The following DMD variants were observed in gnomAD, a reference collection of about 807,000 sequenced individuals.
The protein encoded by DMD is mutant dystrophin.
A neutral mutation model predicts 330.1 loss-of-function variants in DMD; 63 were observed. The observed-to-expected ratio is 0.19, with a 90% CI of 0.16 to 0.24. The LOEUF is 0.24. DMD is among the 10% of genes least tolerant of loss of function. The pLI is 1.00. For missense variants in DMD, 3,344 were observed against 2,684.1 expected (o/e 1.25, Z -5.43); for synonymous variants, 1,223 against 959.8 (o/e 1.27, Z -5.07).
chrX:32,471,976 C>T (rs2040679987), intron 22 of DMD, among the ~76,000 whole-genome samples, 188 bp downstream of exon 22: 1 of 111,820 alleles, frequency 8.9e-6, no homozygotes, highest in Non-Finnish European at 1.9e-5. Context: ...GTATATATGC[C>T]CATACATATA....
chrX:32,212,390 A>G (rs2097096716), intron 44 of DMD, among the ~76,000 whole-genome samples: 1 of 112,199 alleles, frequency 8.9e-6, no homozygotes, highest in Admixed American at 9.5e-5. Context: ...GTGATTAGTT[A>G]TAATAGGGGC....
chrX:32,649,046 C>T (rs1435914443), intron 9 of DMD, among the ~76,000 whole-genome samples: 1 of 110,597 alleles, frequency 9.0e-6, no homozygotes, highest in Non-Finnish European at 1.9e-5. Flanking sequence ...TTATGTTTCT[C>T]TTCAGTACAT....
At chrX:31,698,147 G>A (rs1223818575) in intron 52 of DMD, among the ~76,000 whole-genome samples, 9 of 111,901 alleles carry the variant, frequency 8.0e-5, no homozygotes, top group Admixed American at 1.9e-4. Context: ...CACAGAGTAC[G>A]CCAGAGTTCC....
At chrX:31,323,497 G>A (rs2056566068) in intron 62 of DMD, 101 bp downstream of exon 62, 1 of 703,591 alleles carries the variant, frequency 1.4e-6, no homozygotes, top group Non-Finnish European at 2.2e-6. Flanking sequence ...CACAGGTATT[G>A]TAGGCCAGGC....
At chrX:32,044,646 T>G (rs1234067677) in intron 44 of DMD, among the ~76,000 whole-genome samples, 1 of 110,385 alleles carries the variant, frequency 9.1e-6, no homozygotes, top group Non-Finnish European at 1.9e-5. Context: ...ATGGTCTCGA[T>G]CTCCTGACAT....
chrX:32,807,782 C>A (rs778581594), intron 7 of DMD, among the ~76,000 whole-genome samples: 2 of 111,558 alleles, frequency 1.8e-5, no homozygotes, highest in East Asian at 5.7e-4. Context: ...CACTCCTATT[C>A]TGTAAGTTCA....
chrX:32,429,496 G>C (rs2098229059), intron 29 of DMD, among the ~76,000 whole-genome samples: 1 of 102,828 alleles, frequency 9.7e-6, no homozygotes, highest in Non-Finnish European at 2.0e-5. Flanking sequence ...ATTAAGGCAT[G>C]AGCTACCACG....
chrX:31,600,646 C>T (rs774186329), intron 55 of DMD, among the ~76,000 whole-genome samples: 4 of 104,491 alleles, frequency 3.8e-5, no homozygotes, highest in Non-Finnish European at 7.8e-5. Flanking sequence ...TTGGGTTTGA[C>T]CAAGGAGAGG....
intron 52 of DMD, among the ~76,000 whole-genome samples, chrX:31,683,417 T>C (rs1012132154): frequency 1.8e-5 from 2 of 112,036 alleles, no homozygotes; most frequent in African/African-American, 6.5e-5. Flanking sequence ...AGATAATGAG[T>C]TCAGTTTTGG....
At chrX:31,514,763 A>G (rs2072016420) in intron 55 of DMD, among the ~76,000 whole-genome samples, 1 of 112,295 alleles carries the variant, frequency 8.9e-6, no homozygotes, top group African/African-American at 3.2e-5. Flanking sequence ...AAGTTACAGG[A>G]CTTGGCTTGA....
At chrX:31,916,210 A>G (rs2094606953) in intron 47 of DMD, among the ~76,000 whole-genome samples, 1 of 112,244 alleles carries the variant, frequency 8.9e-6, no homozygotes, top group South Asian at 3.7e-4. Flanking sequence ...CTGAAAATGT[A>G]TGAGTGAGCC....
At position 31,379,360 on chromosome X, in the gene DMD, TCC is replaced by T. The variant is rs58021130; in HGVS notation, c.9085-30728_9085-30727del. On this transcript the variant is annotated intron_variant, in intron 60 of 78. Transcript: ENST00000357033. ...CTAAAGGCATAGTCAAGGTTAATGC[TCC>T]TTTTTCTTTATCCCAAATCAGATAG... Among the ~76,000 whole-genome samples, 1,084 of 111,095 alleles carry T rather than the reference TCC, an allele frequency of 9.8e-3. 11 individuals are homozygous for T. The highest frequency in any genetic ancestry group is 0.033 in the African/African-American group (1,013 of 30,480).
At chrX:31,789,252 G>A (rs1383388484) in intron 50 of DMD, among the ~76,000 whole-genome samples, 1 of 110,838 alleles carries the variant, frequency 9.0e-6, no homozygotes, top group Non-Finnish European at 1.9e-5. Flanking sequence ...TCTACTATAG[G>A]TTTTTGCTTT....
chrX:32,831,886 G>A (rs1341616604), intron 4 of DMD, among the ~76,000 whole-genome samples: 3 of 110,965 alleles, frequency 2.7e-5, no homozygotes, highest in African/African-American at 9.8e-5. Flanking sequence ...CTCATTCACA[G>A]GGGAACCATC....
At chrX:32,341,049 G>A (rs1457572880) in intron 41 of DMD, among the ~76,000 whole-genome samples, 1 of 111,584 alleles carries the variant, frequency 9.0e-6, no homozygotes, top group Non-Finnish European at 1.9e-5. Flanking sequence ...TTAAGTTATG[G>A]TAACTGCTTT....
chrX:33,034,632 G>A (rs1042278413), intron 1 of DMD, among the ~76,000 whole-genome samples: 4 of 111,977 alleles, frequency 3.6e-5, no homozygotes, highest in African/African-American at 1.3e-4. Context: ...TGTTCCGCCA[G>A]TTCTAAAACT....
intron 1 of DMD, among the ~76,000 whole-genome samples, chrX:33,190,283 C>T (rs2050460201): frequency 9.4e-6 from 1 of 106,439 alleles, no homozygotes; most frequent in Non-Finnish European, 1.9e-5. Context: ...ACTATGATGA[C>T]GTGTGTATTT....
chrX:31,276,444 C>T (rs1288169631), intron 62 of DMD, among the ~76,000 whole-genome samples: 3 of 111,733 alleles, frequency 2.7e-5, no homozygotes, highest in Non-Finnish European at 3.8e-5. Flanking sequence ...AGACAAACAA[C>T]ACAGGGTTAG....
chrX:33,107,747 T>C (rs1242272125), intron 1 of DMD, among the ~76,000 whole-genome samples: 1 of 111,960 alleles, frequency 8.9e-6, no homozygotes, highest in African/African-American at 3.2e-5. Context: ...TAAAGATTCA[T>C]TTATTTATTC....
Sources: allele counts gnomAD v4.1 joint callset (sites outside exome capture counted in the v4.1 genomes callset), GRCh38; gene constraint gnomAD v4.1.1; transcripts MANE v1.5; gene names NCBI Gene and HGNC (gene_info 2026-07-23, HGNC 2026-07-21).